ARHGAP11B: variants seen among roughly 807,000 people sequenced by gnomAD.
ARHGAP11B encodes the protein Rho GTPase activating protein 11B.
Under a neutral mutation model 27.6 loss-of-function variants are expected in ARHGAP11B, and 14 were observed. The observed-to-expected ratio is 0.51, with a 90% CI of 0.34 to 0.79. The LOEUF (loss-of-function observed/expected upper bound fraction) is 0.79. Ranked by LOEUF, ARHGAP11B falls within the 30% of genes least tolerant of loss-of-function variation. ARHGAP11B has a pLI of 0.02. For synonymous variants in ARHGAP11B, 82 were observed against 114.1 expected (o/e 0.72, Z 1.80); for missense variants, 245 against 320.1 (o/e 0.77, Z 1.79).
rs2060269582 is a variant in ARHGAP11B, at chr15:30,634,963, C to T, written c.552-117C>T. 7 of 1,087,980 alleles carry T rather than the reference C, an allele frequency of 6.4e-6. 1 individual carries two copies. In the East Asian group the frequency reaches 1.8e-4, roughly 28 times the overall value. The allele number at this position is 1,087,980 out of a possible 1,614,324, so 67.4% of individuals were successfully genotyped here. ...AGCCAATCATGTAGATGAAGGGTAACTATTTTGACTTGTGTATGACTGATA... is the reference window on the plus strand; with the variant it reads ...AGCCAATCATGTAGATGAAGGGTAATTATTTTGACTTGTGTATGACTGATA... On this transcript the variant is annotated intron_variant, in intron 4 of 10. Transcript: ENST00000428041.
At chr15:30,639,125 T>G (rs1186754082) in intron 7 of ARHGAP11B, among the ~76,000 whole-genome samples, 3 of 152,114 alleles carry the variant, frequency 2.0e-5, no homozygotes, top group African/African-American at 7.2e-5. Flanking sequence ...AACCTCATTT[T>G]TATCTTAGGA....
intron 3 of ARHGAP11B, 150 bp from the exon 4 acceptor site, chr15:30,634,020 A>C: frequency 1.7e-6 from 1 of 596,944 alleles, no homozygotes; most frequent in Non-Finnish European, 3.0e-6. Flanking sequence ...AAATTCAAAA[A>C]TCATTAAAAA....
At chr15:30,639,971 A>AGAGAGAGTGTGTGTGT (rs371550239) in intron 7 of ARHGAP11B, among the ~76,000 whole-genome samples, 5 of 143,192 alleles carry the variant, frequency 3.5e-5, no homozygotes, top group African/African-American at 1.3e-4. Flanking sequence ...TTCAATATAG[A>AGAGAGAGTGTGTGTGT]GTGTGTGTGT....
At chr15:30,644,082 A>G (rs2046362) in intron 7 of ARHGAP11B, among the ~76,000 whole-genome samples, 80,531 of 151,690 alleles carry the variant, frequency 0.53, 22,579 homozygotes, top group African/African-American at 0.64. Context: ...AGTGCCAACT[A>G]TATCAAGTAA....
intron 7 of ARHGAP11B, chr15:30,644,563 C>CT (rs1031075345): frequency 1.3e-6 from 1 of 798,730 alleles, no homozygotes; most frequent in African/African-American, 1.7e-5. Context: ...GATTTATTAT[C>CT]TGATATAAGG....
At chr15:30,641,361 G>A (rs1266658445) in intron 7 of ARHGAP11B, among the ~76,000 whole-genome samples, 3 of 148,108 alleles carry the variant, frequency 2.0e-5, no homozygotes, top group East Asian at 2.0e-4. Flanking sequence ...TTGAGACAGA[G>A]TTTTGCTCTT....
exon 1 of ARHGAP11B, chr15:30,626,761 C>T: frequency 1.3e-6 from 2 of 1,561,076 alleles, no homozygotes; most frequent in Non-Finnish European, 1.7e-6. Flanking sequence ...AATTGGAAGA[C>T]TTGGTGGCGA....
intron 2 of ARHGAP11B, among the ~76,000 whole-genome samples, 165 bp downstream of exon 2, chr15:30,630,938 G>A (rs889427353): frequency 6.6e-6 from 1 of 151,970 alleles, no homozygotes; most frequent in Non-Finnish European, 1.5e-5. Context: ...TTAGCTTGGC[G>A]GAGCACACTT....
chr15:30,626,741 A>G, exon 1 of ARHGAP11B: 3 of 1,517,668 alleles, frequency 2.0e-6, no homozygotes, highest in Non-Finnish European at 2.6e-6. Context: ...CAAATTTGAG[A>G]GCGTTTGGAA....
intron 7 of ARHGAP11B, among the ~76,000 whole-genome samples, chr15:30,642,747 GC>G (rs757472892): frequency 3.1e-4 from 47 of 151,952 alleles, no homozygotes; most frequent in Non-Finnish European, 5.7e-4. Flanking sequence ...GCCTATCCCT[GC>G]CTTGTATTAT....
intron 2 of ARHGAP11B, among the ~76,000 whole-genome samples, chr15:30,632,476 C>T (rs2060252163): frequency 6.6e-6 from 1 of 151,662 alleles, no homozygotes. Flanking sequence ...AGTCATATTC[C>T]CAGGAATCAT....
At chr15:30,643,815 A>G (rs1348097164) in intron 7 of ARHGAP11B, among the ~76,000 whole-genome samples, 2 of 152,078 alleles carry the variant, frequency 1.3e-5, no homozygotes, top group Non-Finnish European at 1.5e-5. Context: ...AGGTTTTAAG[A>G]AATATTACAT....
intron 7 of ARHGAP11B, among the ~76,000 whole-genome samples, chr15:30,644,089 G>C (rs2060331099): frequency 6.6e-6 from 1 of 151,626 alleles, no homozygotes; most frequent in African/African-American, 2.4e-5. Flanking sequence ...ACTATATCAA[G>C]TAAAGTGCTT....
chr15:30,646,079 A>G (rs1445499605), intron 8 of ARHGAP11B: 8 of 630,662 alleles, frequency 1.3e-5, no homozygotes, highest in Middle Eastern at 1.3e-3. Context: ...TGTTTTTCTC[A>G]TCATCATACT....
chr15:30,644,580 T>A (rs1209197231), intron 7 of ARHGAP11B: 5 of 1,027,310 alleles, frequency 4.9e-6, no homozygotes, highest in East Asian at 2.4e-5. Flanking sequence ...AAGGGACATA[T>A]AAGGAGACAT....
chr15:30,628,088 T>TG (rs1274335933), intron 1 of ARHGAP11B, among the ~76,000 whole-genome samples: 1 of 150,824 alleles, frequency 6.6e-6, no homozygotes, highest in African/African-American at 2.4e-5. Flanking sequence ...CCTTTTTTTT[T>TG]TTTTGTTTTT....
exon 4 of ARHGAP11B, chr15:30,634,388 A>G (rs767252391): frequency 3.7e-6 from 6 of 1,613,136 alleles, no homozygotes; most frequent in Non-Finnish European, 4.2e-6. Context: ...ATGTATTAAG[A>G]TACTTCTTTA....
chr15:30,642,679 T>A (rs967993156), intron 7 of ARHGAP11B, among the ~76,000 whole-genome samples: 1 of 151,988 alleles, frequency 6.6e-6, no homozygotes, highest in Non-Finnish European at 1.5e-5. Context: ...ATTTAGTAAG[T>A]GATGGAGCAA....
chr15:30,648,304 G>A lies in ARHGAP11B; in HGVS notation c.*372G>A, dbSNP rs1379832559. ...AAGGAAGTGTCCTTACTTTTTATAG[G>A]AGCAGCATACCAGGTGGAAAGCACC... On this transcript the variant is annotated splice_region_variant and 3_prime_UTR_variant, in exon 11 of 11. Transcript: ENST00000428041. 3.3e-5 allele frequency among the ~76,000 whole-genome samples: 5 copies of A among 151,916 alleles called. No individual in the cohort carries two copies. The South Asian group carries it at 6.2e-4, about 19-fold the overall frequency.
Sources: gnomAD v4.1 joint callset for allele counts (sites outside exome capture counted in the v4.1 genomes callset) on GRCh38, gnomAD v4.1.1 for gene constraint, MANE v1.5 for transcripts, NCBI Gene and HGNC (gene_info 2026-07-23, HGNC 2026-07-21) for gene names.